Variants in EXOC4 observed in about 807,000 individuals in gnomAD.
EXOC4 encodes the protein exocyst complex component 4, also known as SEC8-like 1.
A neutral mutation model predicts 107.2 loss-of-function variants in EXOC4; 71 were observed. The ratio of observed to expected loss-of-function variants is 0.66; its 90% CI spans 0.55 to 0.81. EXOC4 has a LOEUF of 0.81. Ranked by LOEUF, EXOC4 falls within the 30% of genes least tolerant of loss-of-function variation. The pLI, the probability that EXOC4 is intolerant of heterozygous loss-of-function variation, is 0.00. For synonymous variants in EXOC4, 456 were observed against 441.2 expected (o/e 1.03, Z -0.42); for missense variants, 1,108 against 1,189.6 (o/e 0.93, Z 1.01).
Position 133,600,746 on chromosome 7 carries a change from C to T in EXOC4, c.1418-29299C>T, listed in dbSNP as rs6977360. ...TGCCATCTTTGCCCTTTATTCCCAG[C>T]GGCCTTTTGTGGGACAGATATGTAT... is the stretch of plus-strand genomic sequence containing the variant. On this transcript the variant is annotated intron_variant, in intron 9 of 17. Transcript: ENST00000253861. Among the ~76,000 whole-genome samples, 433 of 152,226 alleles carry T rather than the reference C, an allele frequency of 2.8e-3. 6 individuals are homozygous for T. Among genetic ancestry groups the T allele is most frequent in the African/African-American group, 9.6e-3 (398 of 41,528 alleles).
intron 10 of EXOC4, among the ~76,000 whole-genome samples, chr7:133,700,464 A>G (rs1167389949): frequency 6.6e-6 from 1 of 152,216 alleles, no homozygotes; most frequent in Non-Finnish European, 1.5e-5. Flanking sequence ...CCTATATTCG[A>G]CTCTGATATG....
intron 17 of EXOC4, among the ~76,000 whole-genome samples, chr7:134,047,496 A>G (rs1300326126): frequency 6.6e-6 from 1 of 152,124 alleles, no homozygotes; most frequent in African/African-American, 2.4e-5. Flanking sequence ...ATCCTATTGT[A>G]TGTCATTCCA....
chr7:133,357,975 G>A (rs559471715), intron 6 of EXOC4, among the ~76,000 whole-genome samples: 1 of 152,188 alleles, frequency 6.6e-6, no homozygotes, highest in East Asian at 1.9e-4. Context: ...ATTGCTTGAG[G>A]TCAGGAGTTC....
At chr7:133,648,231 A>T (rs1404354722) in intron 10 of EXOC4, among the ~76,000 whole-genome samples, 3 of 152,216 alleles carry the variant, frequency 2.0e-5, no homozygotes, top group Non-Finnish European at 4.4e-5. Context: ...AAATATTTTT[A>T]GAAGTGAACA....
intron 9 of EXOC4, among the ~76,000 whole-genome samples, chr7:133,542,076 G>A (rs978655190): frequency 1.3e-5 from 2 of 152,018 alleles, no homozygotes; most frequent in Non-Finnish European, 2.9e-5. Context: ...AGCAATGTGT[G>A]TACAGGCCAA....
intron 10 of EXOC4, among the ~76,000 whole-genome samples, chr7:133,673,921 C>T (rs1009024688): frequency 4.6e-5 from 7 of 152,192 alleles, no homozygotes; most frequent in African/African-American, 1.7e-4. Flanking sequence ...GTTAAAGCCA[C>T]TCACAGTCCT....
At chr7:134,064,233 C>T in intron 17 of EXOC4, 58 bp from the exon 18 acceptor site, 1 of 1,220,154 alleles carries the variant, frequency 8.2e-7, no homozygotes, top group East Asian at 2.6e-5. Context: ...TATTTGTCCC[C>T]TCGAGACGAC....
intron 10 of EXOC4, among the ~76,000 whole-genome samples, chr7:133,751,887 A>G (rs1795800349): frequency 6.6e-6 from 1 of 151,844 alleles, no homozygotes; most frequent in South Asian, 2.1e-4. Context: ...ACCCATACTT[A>G]TAATTTCAGA....
chr7:133,942,704 C>T (rs183432586), intron 14 of EXOC4, among the ~76,000 whole-genome samples: 1 of 152,236 alleles, frequency 6.6e-6, no homozygotes, highest in East Asian at 1.9e-4. Flanking sequence ...ACCGTTCATG[C>T]CGTATTCCTA....
At chr7:133,759,025 A>G (rs1795977730) in intron 10 of EXOC4, among the ~76,000 whole-genome samples, 1 of 152,226 alleles carries the variant, frequency 6.6e-6, no homozygotes, top group African/African-American at 2.4e-5. Context: ...GACAGAGTAG[A>G]CAGTTTTAAA....
chr7:133,742,716 T>C (rs748451894), intron 10 of EXOC4, among the ~76,000 whole-genome samples: 46 of 152,100 alleles, frequency 3.0e-4, no homozygotes, highest in East Asian at 5.8e-4. Context: ...GGTTTGTTTT[T>C]CCCCCCAAGT....
chr7:133,452,857 T>C (rs995546090), intron 7 of EXOC4, among the ~76,000 whole-genome samples: 9 of 152,116 alleles, frequency 5.9e-5, no homozygotes, highest in African/African-American at 2.2e-4. Flanking sequence ...AATTCTGTCA[T>C]GTGAGGTTAG....
the EXOC4 span, among the ~76,000 whole-genome samples, chr7:134,085,636 C>T: frequency 6.6e-6 from 1 of 152,198 alleles, no homozygotes; most frequent in African/African-American, 2.4e-5. Context: ...ACCTGTCTTT[C>T]AGCTCCCTGG....
rs905798648 is a variant in EXOC4 at position 133,756,247 on chromosome 7, C to T, written c.1515-61078C>T. 3.9e-5 allele frequency among the ~76,000 whole-genome samples: 6 copies of T among 152,190 alleles called. No individual in the cohort carries two copies. The East Asian group carries it at 1.2e-3, about 29-fold the overall frequency. On this transcript the variant is annotated intron_variant, in intron 10 of 17. Transcript: ENST00000253861. Reference sequence around the variant, plus strand: ...TTACTATCTTGATGACACTTAACTGCTTTTTTTCCCCTAAGTACTCATGTT... The same window carrying T: ...TTACTATCTTGATGACACTTAACTGTTTTTTTTCCCCTAAGTACTCATGTT...
In EXOC4 at chr7:133,627,656, C is replaced by T. The variant is rs1585041172; in HGVS notation, c.1418-2389C>T. On this transcript the variant is annotated intron_variant, in intron 9 of 17. Coordinates refer to ENST00000253861, the MANE Select transcript of EXOC4 (RefSeq NM_021807.4). ...CATTTTTGTAACCGTACCATATGAC[C>T]TTTCAAGGAGGATTTTATTAAAAGT... 2.0e-5 allele frequency among the ~76,000 whole-genome samples: 3 copies of T among 152,188 alleles called. No homozygotes were observed. The East Asian group carries it at 5.8e-4, about 29-fold the overall frequency.
At chr7:133,347,185 A>G (rs1360396745) in intron 5 of EXOC4, among the ~76,000 whole-genome samples, 1 of 151,874 alleles carries the variant, frequency 6.6e-6, no homozygotes, top group East Asian at 1.9e-4. Context: ...TCTATAATAT[A>G]GGTATACATG....
At chr7:133,320,246 G>A (rs1490053798) in intron 5 of EXOC4, among the ~76,000 whole-genome samples, 1 of 152,142 alleles carries the variant, frequency 6.6e-6, no homozygotes, top group Non-Finnish European at 1.5e-5. Context: ...TTACAGTTTT[G>A]TAGGTGAGAA....
intron 10 of EXOC4, among the ~76,000 whole-genome samples, chr7:133,754,344 A>G (rs1201854058): frequency 1.3e-5 from 2 of 152,212 alleles, no homozygotes; most frequent in African/African-American, 4.8e-5. Flanking sequence ...TGAGGTCCCA[A>G]ACAAAAACTG....
intron 9 of EXOC4, among the ~76,000 whole-genome samples, chr7:133,531,848 C>G (rs1800187144): frequency 6.6e-6 from 1 of 152,022 alleles, no homozygotes; most frequent in South Asian, 2.1e-4. Context: ...GACCTACAAG[C>G]ACAGATTGAA....
Sources: gnomAD v4.1 joint callset for allele counts (sites outside exome capture counted in the v4.1 genomes callset) on GRCh38, gnomAD v4.1.1 for gene constraint, MANE v1.5 for transcripts, NCBI Gene and HGNC (gene_info 2026-07-23, HGNC 2026-07-21) for gene names.